LYAR: variants seen among roughly 807,000 people sequenced by gnomAD.
LYAR encodes the protein Ly1 antibody reactive.
Under a neutral mutation model 45.2 loss-of-function variants are expected in LYAR, and 37 were observed. The ratio of observed to expected loss-of-function variants is 0.82; its 90% CI spans 0.63 to 1.08. The LOEUF is 1.08. LYAR is among the 50% of genes least tolerant of loss of function. The pLI is 0.00. For synonymous variants in LYAR, 176 were observed against 155.1 expected (o/e 1.14, Z -1.00); for missense variants, 493 against 451.0 (o/e 1.09, Z -0.84).
chr4:4,285,076 T>C (rs1719554157), intron 2 of LYAR, among the ~76,000 whole-genome samples: 1 of 152,162 alleles, frequency 6.6e-6, no homozygotes, highest in Non-Finnish European at 1.5e-5. Flanking sequence ...ATCTCCAGGG[T>C]TCACAAAGGT....
At chr4:4,272,424 A>G (rs564696541) in intron 8 of LYAR, among the ~76,000 whole-genome samples, 1 of 152,322 alleles carries the variant, frequency 6.6e-6, no homozygotes, top group African/African-American at 2.4e-5. Context: ...CTGAACCCCT[A>G]TATATACTGT....
intron 8 of LYAR, among the ~76,000 whole-genome samples, chr4:4,269,560 G>A (rs142317379): frequency 9.9e-5 from 15 of 152,276 alleles, no homozygotes; most frequent in South Asian, 4.1e-4. Flanking sequence ...AGCCCTGCCC[G>A]GCAGGAGCAA....
At position 4,273,522 on chromosome 4, in the gene LYAR, G is replaced by A. The variant is rs185223430; in HGVS notation, c.919+61C>T. On this transcript the variant is annotated intron_variant, in intron 8 of 9. Coordinates refer to ENST00000343470, the MANE Select transcript of LYAR (RefSeq NM_017816.3). Reference sequence around the variant, plus strand: ...TCCTGCCCCTGCCTCTGAAGTAGCTGGGACTATCAGCGAGAGCCGCTGTGC... The same window carrying A: ...TCCTGCCCCTGCCTCTGAAGTAGCTAGGACTATCAGCGAGAGCCGCTGTGC... 6 of 1,241,330 alleles carry A rather than the reference G, an allele frequency of 4.8e-6. No individual in the cohort carries two copies. The Admixed American group carries it at 9.2e-5, about 19-fold the overall frequency. 76.9% of individuals were successfully genotyped at this position (1,241,330 alleles called of 1,614,324 possible). A position where few individuals can be genotyped will look rare whatever the true frequency, so the allele number is the denominator to read the frequency against.
chr4:4,270,073 G>A (rs984175505), intron 8 of LYAR, among the ~76,000 whole-genome samples: 1 of 151,946 alleles, frequency 6.6e-6, no homozygotes, highest in Non-Finnish European at 1.5e-5. Context: ...AAACTTCGCT[G>A]GGTGTGGTGG....
At position 4,283,787 on chromosome 4, in the gene LYAR, A is replaced by AGGAAAGGACAG. The variant is rs761857548; in HGVS notation, c.-46_-45insCTGTCCTTTCC. On this transcript the variant is annotated 5_prime_UTR_variant, in exon 3 of 10. Coordinates refer to ENST00000343470, the MANE Select transcript of LYAR (RefSeq NM_017816.3). ...TATTCTCTATCCAAGACAGGTTTTA[A>AGGAAAGGACAG]GTCTTGTCCTAAGGAAAAAAAGACA... The AGGAAAGGACAG allele has an allele frequency of 2.0e-5, 30 of 1,504,912 alleles. No homozygotes were observed. In the South Asian group the frequency reaches 3.5e-4, roughly 18 times the overall value. The allele number at this position is 1,504,912 out of a possible 1,614,324, so 93.2% of individuals were successfully genotyped here.
chr4:4,273,533 C>G (rs28628080), intron 8 of LYAR, 50 bp downstream of exon 8: 2 of 1,378,222 alleles, frequency 1.5e-6, no homozygotes, highest in South Asian at 1.2e-5. Context: ...GGACTATCAG[C>G]GAGAGCCGCT....
chr4:4,277,988 G>A (rs899751254), intron 6 of LYAR, among the ~76,000 whole-genome samples: 2 of 152,180 alleles, frequency 1.3e-5, no homozygotes, highest in African/African-American at 4.8e-5. Flanking sequence ...ACCAGGGGCT[G>A]TTTACTCCTT....
rs1004928025 is a variant in LYAR at position 4,286,413 on chromosome 4, C to T, written c.-54+106G>A. ...TTAGTGCAGGCTTAATATTCGTAAG[C>T]GTAAATGCTACAAACTTACAAAAAG... is the stretch of plus-strand genomic sequence containing the variant. On this transcript the variant is annotated intron_variant, in intron 2 of 9. Coordinates refer to ENST00000343470, the MANE Select transcript of LYAR (RefSeq NM_017816.3). 9 of 152,244 alleles carry T rather than the reference C, an allele frequency of 5.9e-5. No homozygotes were observed. The East Asian group carries it at 1.5e-3, about 26-fold the overall frequency. 9.4% of individuals were successfully genotyped at this position (152,244 alleles called of 1,614,324 possible).
At chr4:4,274,262 A>G in intron 7 of LYAR, 105 bp downstream of exon 7, 1 of 1,229,858 alleles carries the variant, frequency 8.1e-7, no homozygotes, top group East Asian at 2.4e-5. Flanking sequence ...AAAAAAAACC[A>G]CACACACACG....
At chr4:4,271,502 G>A (rs926997645) in intron 8 of LYAR, among the ~76,000 whole-genome samples, 2 of 152,110 alleles carry the variant, frequency 1.3e-5, no homozygotes, top group East Asian at 1.9e-4. Flanking sequence ...TTCAACACAG[G>A]GATTTCCTTT....
intron 1 of LYAR, among the ~76,000 whole-genome samples, chr4:4,288,596 C>T (rs1260922580): frequency 4.0e-5 from 6 of 151,882 alleles, no homozygotes; most frequent in East Asian, 1.9e-4. Context: ...AGTGATTCTC[C>T]GGCCTCAGCC....
chr4:4,286,746 A>G (rs1379698811), intron 1 of LYAR, among the ~76,000 whole-genome samples, 174 bp from the exon 2 acceptor site: 4 of 146,172 alleles, frequency 2.7e-5, no homozygotes, highest in African/African-American at 1.0e-4. Flanking sequence ...TCCCGGGTTC[A>G]TGCCATTCTC....
chr4:4,280,916 C>T (rs1719368400), intron 4 of LYAR, among the ~76,000 whole-genome samples: 1 of 152,146 alleles, frequency 6.6e-6, no homozygotes, highest in Non-Finnish European at 1.5e-5. Flanking sequence ...TTTTCATTAT[C>T]CCACCTTCCT....
In LYAR at chr4:4,274,260, C is replaced by A. The variant is rs374394546; in HGVS notation, c.832+107G>T. ...TCAAAAAAAACAAAAAAAAAAAAAA[C>A]CACACACACACGCACACAAAACGCT... On this transcript the variant is annotated intron_variant, in intron 7 of 9. Transcript: ENST00000343470. The A allele has an allele frequency of 2.8e-3, 3,385 of 1,214,368 alleles. 60 individuals carry two copies. In the African/African-American group the frequency reaches 0.044, roughly 16 times the overall value. 75.2% of individuals were successfully genotyped at this position (1,214,368 alleles called of 1,614,324 possible).
At chr4:4,288,325 G>T (rs1393017023) in intron 1 of LYAR, among the ~76,000 whole-genome samples, 4 of 152,028 alleles carry the variant, frequency 2.6e-5, no homozygotes, top group African/African-American at 9.7e-5. Flanking sequence ...ACCCATTTAT[G>T]TTCATAAATT....
At chr4:4,288,273 C>T (rs949525143) in intron 1 of LYAR, among the ~76,000 whole-genome samples, 4 of 150,384 alleles carry the variant, frequency 2.7e-5, no homozygotes, top group African/African-American at 7.3e-5. Context: ...TATACCCAGC[C>T]CCCTCCTAAA....
At chr4:4,283,841 TTCAATA>T in intron 2 of LYAR, 46 bp from the exon 3 acceptor site, 1 of 878,246 alleles carries the variant, frequency 1.1e-6, no homozygotes, top group Middle Eastern at 3.6e-4. Flanking sequence ...AACTTCTCAT[TTCAATA>T]AATGGCTCAT....
At chr4:4,276,453 G>C (rs1383349611) in intron 6 of LYAR, among the ~76,000 whole-genome samples, 3 of 151,482 alleles carry the variant, frequency 2.0e-5, no homozygotes, top group East Asian at 1.9e-4. Context: ...TGAGGCAGGA[G>C]AATCACTTGA....
At chr4:4,272,697 T>C (rs995111376) in intron 8 of LYAR, among the ~76,000 whole-genome samples, 3 of 152,160 alleles carry the variant, frequency 2.0e-5, no homozygotes, top group African/African-American at 7.2e-5. Flanking sequence ...AACTTATCAA[T>C]TGTTTATTTC....
Sources: gnomAD v4.1 joint callset for allele counts (sites outside exome capture counted in the v4.1 genomes callset) on GRCh38, gnomAD v4.1.1 for gene constraint, MANE v1.5 for transcripts, NCBI Gene and HGNC (gene_info 2026-07-23, HGNC 2026-07-21) for gene names.